Variants in KCNQ1 observed in about 807,000 individuals in gnomAD.
KCNQ1 encodes the protein potassium voltage-gated channel subfamily Q member 1.
KCNQ1 carries 49 observed loss-of-function variants against 72.4 expected under a neutral mutation model. That is an observed-to-expected ratio of 0.68 (90% CI 0.54 to 0.86). The LOEUF is 0.86. Ranked by LOEUF, KCNQ1 falls within the 40% of genes least tolerant of loss-of-function variation. The pLI, the probability that KCNQ1 is intolerant of heterozygous loss-of-function variation, is 0.00. For synonymous variants in KCNQ1, 450 were observed against 412.6 expected, an observed-to-expected ratio of 1.09 and a Z score of -1.10; for missense variants, 790 against 945.1, an observed-to-expected ratio of 0.84 and a Z score of 2.15.
At chr11:2,696,626 GTTGAAC>G in intron 11 of KCNQ1, 1 of 398,664 alleles carries the variant, frequency 2.5e-6, no homozygotes, top group Middle Eastern at 6.3e-4. Context: ...GTGGAGTCCT[GTTGAAC>G]TTAACAGATT....
intron 10 of KCNQ1, chr11:2,633,395 T>A: frequency 2.5e-6 from 1 of 398,592 alleles, no homozygotes; most frequent in Non-Finnish European, 4.4e-6. Flanking sequence ...ATTTGTCTAT[T>A]TTTGTTTTTG....
intron 15 of KCNQ1, among the ~76,000 whole-genome samples, chr11:2,811,200 C>A (rs984431117): frequency 6.6e-6 from 1 of 152,216 alleles, no homozygotes; most frequent in Admixed American, 6.5e-5. Flanking sequence ...GGAGCCTCCC[C>A]CAGGAAGCCC....
intron 15 of KCNQ1, among the ~76,000 whole-genome samples, chr11:2,829,207 G>A (rs1185815799): frequency 6.6e-6 from 1 of 152,100 alleles, no homozygotes; most frequent in Non-Finnish European, 1.5e-5. Context: ...AAAAACAAAA[G>A]GCCAAGAGAA....
rs1283670353 is a variant in KCNQ1, at chr11:2,566,862, C to T, written c.478-3766C>T. The stretch of plus-strand genomic sequence containing the variant: ...AAGGCCCTGGGGCTGGCCTTGTTAT[C>T]AGTGGGGGAGTCAGGAAGTACCCCG... On this transcript the variant is annotated intron_variant, in intron 2 of 15. Coordinates refer to ENST00000155840, the MANE Select transcript of KCNQ1 (RefSeq NM_000218.3). The surrounding 1 kb of genome is among the most constrained non-coding windows in gnomAD (Gnocchi z 6.7). 6.6e-6 allele frequency among the ~76,000 whole-genome samples: 1 copy of T among 151,552 alleles called. No individual in the cohort carries two copies. The highest frequency in any genetic ancestry group is 2.4e-5 in the African/African-American group (1 of 41,182).
intron 10 of KCNQ1, chr11:2,634,984 TGA>T (rs996534865): frequency 2.6e-5 from 4 of 152,274 alleles, no homozygotes; most frequent in African/African-American, 9.6e-5. Flanking sequence ...TGTCTTCTTT[TGA>T]GAAGTGTCTG....
chr11:2,542,484 A>G (rs1847843893), intron 2 of KCNQ1, among the ~76,000 whole-genome samples: 1 of 152,252 alleles, frequency 6.6e-6, no homozygotes, highest in Non-Finnish European at 1.5e-5. Context: ...ATAGAGTGGA[A>G]GGCCTTGTTT....
intron 1 of KCNQ1, among the ~76,000 whole-genome samples, chr11:2,518,270 C>CT (rs1295934429): frequency 1.3e-5 from 2 of 152,258 alleles, no homozygotes; most frequent in Admixed American, 6.5e-5. Context: ...TCCTGAGAGC[C>CT]TGGCAGGGAA....
intron 2 of KCNQ1, among the ~76,000 whole-genome samples, chr11:2,561,951 C>G (rs1376974137): frequency 1.3e-5 from 2 of 152,124 alleles, no homozygotes; most frequent in Admixed American, 1.3e-4. Context: ...AGCAGCCGAG[C>G]AGAAGGATGC....
At chr11:2,615,292 T>G (rs1189213885) in intron 10 of KCNQ1, 1 of 398,006 alleles carries the variant, frequency 2.5e-6, no homozygotes, top group Non-Finnish European at 4.4e-6. Flanking sequence ...TTAGCTCTAC[T>G]AGTTTGTGGA....
In KCNQ1 at chr11:2,766,790, G is replaced by T. The variant is rs1347781806; in HGVS notation, c.1515-2054G>T. 6.6e-6 allele frequency among the ~76,000 whole-genome samples: 1 copy of T among 152,162 alleles called. No homozygotes were observed. Among genetic ancestry groups the T allele is most frequent in the African/African-American group, 2.4e-5 (1 of 41,432 alleles). On this transcript the variant is annotated intron_variant, in intron 11 of 15. Coordinates refer to ENST00000155840, the MANE Select transcript of KCNQ1 (RefSeq NM_000218.3). The surrounding 1 kb of genome is among the most constrained non-coding windows in gnomAD (Gnocchi z 4.4). ...CCAAAATTAATGCTGTAAGTTTTAG[G>T]ATATTGATATGACATTACCTATTTC...
At chr11:2,790,867 C>A (rs896335548) in intron 15 of KCNQ1, among the ~76,000 whole-genome samples, 1 of 152,208 alleles carries the variant, frequency 6.6e-6, no homozygotes, top group Non-Finnish European at 1.5e-5. Flanking sequence ...AACCCTACTA[C>A]GTGGCCCTGG....
At chr11:2,449,318 T>A (rs557483080) in intron 1 of KCNQ1, among the ~76,000 whole-genome samples, 1 of 152,328 alleles carries the variant, frequency 6.6e-6, no homozygotes, top group Non-Finnish European at 1.5e-5. Context: ...GGAGGGTCCC[T>A]TTTTGCTTGG....
rs781526965 is a variant in KCNQ1, at chr11:2,532,789, C to G, written c.477+4771C>G. Among the ~76,000 whole-genome samples, 3 of 152,302 alleles carry G rather than the reference C, an allele frequency of 2.0e-5. No individual in the cohort carries two copies. In the South Asian group the frequency reaches 6.2e-4, roughly 32 times the overall value. On this transcript the variant is annotated intron_variant, in intron 2 of 15. Transcript: ENST00000155840. ...GCAGAAGTCACCTGACAGCAGGTTC[C>G]CGAGGCTTCAGGCCTGGAGGAGTGA...
chr11:2,447,858 C>T lies in KCNQ1; in HGVS notation c.386+2374C>T, dbSNP rs1846064699. Among the ~76,000 whole-genome samples, 1 of 152,194 alleles carries T rather than the reference C, an allele frequency of 6.6e-6. No individual in the cohort carries two copies. The highest frequency in any genetic ancestry group is 1.5e-5 in the Non-Finnish European group (1 of 68,006). On this transcript the variant is annotated intron_variant, in intron 1 of 15. Coordinates refer to ENST00000155840, the MANE Select transcript of KCNQ1 (RefSeq NM_000218.3). The surrounding 1 kb of genome is among the most constrained non-coding windows in gnomAD (Gnocchi z 7.6). ...GCTGACCCTACAGGGCTAGGGCGAACTCTCCTGTGTGCGCCTGGGGAAGCC... is the reference window on the plus strand; with the variant it reads ...GCTGACCCTACAGGGCTAGGGCGAATTCTCCTGTGTGCGCCTGGGGAAGCC...
chr11:2,569,333 A>G (rs548861305), intron 2 of KCNQ1, among the ~76,000 whole-genome samples: 1 of 152,352 alleles, frequency 6.6e-6, no homozygotes, highest in Non-Finnish European at 1.5e-5. Context: ...CCCCTTATCC[A>G]TTGGGCTTGT....
chr11:2,637,712 G>A (rs914026876), intron 10 of KCNQ1: 7 of 152,212 alleles, frequency 4.6e-5, no homozygotes, highest in Non-Finnish European at 8.8e-5. Flanking sequence ...ACTTGGTGCA[G>A]AGCTGAGTTC....
chr11:2,590,410 G>C (rs909835030), intron 10 of KCNQ1, among the ~76,000 whole-genome samples: 2 of 152,230 alleles, frequency 1.3e-5, no homozygotes, highest in African/African-American at 4.8e-5. Flanking sequence ...CCCAGGGCGT[G>C]GTCCCCCTTG....
chr11:2,488,844 G>A lies in KCNQ1; in HGVS notation c.387-39084G>A, dbSNP rs1846785703. On this transcript the variant is annotated intron_variant, in intron 1 of 15. Coordinates refer to ENST00000155840, the MANE Select transcript of KCNQ1 (RefSeq NM_000218.3). This position sits in a 1 kb window ranked among gnomAD's most constrained non-coding sequence, Gnocchi z 5.1. ...CTATTGTTTTTCTATTCTCTATTTTGTTGGTCTCTGCTGTGGTATTTATTA... is the reference window on the plus strand; with the variant it reads ...CTATTGTTTTTCTATTCTCTATTTTATTGGTCTCTGCTGTGGTATTTATTA... 6.6e-6 allele frequency among the ~76,000 whole-genome samples: 1 copy of A among 152,070 alleles called. No homozygotes were observed. The highest frequency in any genetic ancestry group is 6.6e-5 in the Admixed American group (1 of 15,264).
intron 15 of KCNQ1, among the ~76,000 whole-genome samples, chr11:2,801,356 C>T (rs997250635): frequency 3.3e-5 from 5 of 152,320 alleles, no homozygotes; most frequent in African/African-American, 7.2e-5. Flanking sequence ...GCTGGCCAGT[C>T]GTATCAGCTG....
Sources: allele counts gnomAD v4.1 joint callset (sites outside exome capture counted in the v4.1 genomes callset), GRCh38; gene constraint gnomAD v4.1.1; non-coding constraint Gnocchi (gnomAD v3.1); transcripts MANE v1.5; gene names NCBI Gene and HGNC (gene_info 2026-07-23, HGNC 2026-07-21).